ERC2: variants seen among roughly 807,000 people sequenced by gnomAD.
The protein encoded by ERC2 is ELKS/RAB6-interacting/CAST family member 2.
ERC2 carries 42 observed loss-of-function variants against 114.8 expected under a neutral mutation model. The ratio of observed to expected loss-of-function variants is 0.37; its 90% CI spans 0.29 to 0.47. The LOEUF (loss-of-function observed/expected upper bound fraction) is 0.47. Among genes scored for constraint, ERC2 ranks in the 20% least tolerant of loss-of-function variants. ERC2 has a pLI of 0.99. For synonymous variants in ERC2, 454 were observed against 425.5 expected (o/e 1.07, Z -0.82); for missense variants, 939 against 1,150.7 (o/e 0.82, Z 2.66).
intron 17 of ERC2, among the ~76,000 whole-genome samples, chr3:55,544,695 C>A (rs1342618756): frequency 6.6e-6 from 1 of 152,148 alleles, no homozygotes; most frequent in Non-Finnish European, 1.5e-5. Context: ...AGTCAAGAAG[C>A]CCCTTCTGAG....
chr3:56,035,070 C>G (rs2074704682), intron 7 of ERC2, among the ~76,000 whole-genome samples: 1 of 151,918 alleles, frequency 6.6e-6, no homozygotes, highest in African/African-American at 2.4e-5. Context: ...AATTGACAAA[C>G]CTTTAGCTAG....
intron 14 of ERC2, among the ~76,000 whole-genome samples, chr3:55,765,289 C>CT (rs2067698571): frequency 6.6e-6 from 1 of 152,068 alleles, no homozygotes; most frequent in Non-Finnish European, 1.5e-5. Flanking sequence ...TAAAAGGAGA[C>CT]TTTTTTCTCT....
At chr3:56,367,245 C>T (rs1209477610) in intron 2 of ERC2, among the ~76,000 whole-genome samples, 3 of 151,186 alleles carry the variant, frequency 2.0e-5, no homozygotes, top group African/African-American at 7.4e-5. Flanking sequence ...AATAAGATTG[C>T]TCAGGCCCAA....
At chr3:55,773,970 AC>A (rs1180797206) in intron 14 of ERC2, among the ~76,000 whole-genome samples, 1 of 152,078 alleles carries the variant, frequency 6.6e-6, no homozygotes, top group African/African-American at 2.4e-5. Flanking sequence ...TTGGGTTGCT[AC>A]CCCTGTCTGA....
intron 6 of ERC2, among the ~76,000 whole-genome samples, chr3:56,114,087 G>A (rs1374755939): frequency 2.0e-5 from 3 of 152,134 alleles, no homozygotes; most frequent in African/African-American, 7.2e-5. Flanking sequence ...TGCCAAATGG[G>A]TTGGCTAAGT....
At chr3:56,216,912 G>A (rs1437178435) in intron 3 of ERC2, among the ~76,000 whole-genome samples, 14 of 152,108 alleles carry the variant, frequency 9.2e-5, no homozygotes, top group South Asian at 2.1e-4. Context: ...CTCAATAGAC[G>A]CAGAAAAGGC....
intron 7 of ERC2, among the ~76,000 whole-genome samples, chr3:56,061,554 A>T (rs1295364331): frequency 6.6e-6 from 1 of 152,202 alleles, no homozygotes; most frequent in Non-Finnish European, 1.5e-5. Context: ...TTATTCAAAG[A>T]AAAAAATATT....
At chr3:56,141,432 G>T (rs1002536366) in intron 5 of ERC2, among the ~76,000 whole-genome samples, 2 of 152,154 alleles carry the variant, frequency 1.3e-5, no homozygotes, top group African/African-American at 4.8e-5. Flanking sequence ...CAACCACCCT[G>T]TGACCACCAT....
chr3:56,081,714 T>C (rs1194284014), intron 6 of ERC2, among the ~76,000 whole-genome samples: 2 of 151,956 alleles, frequency 1.3e-5, no homozygotes, highest in African/African-American at 4.8e-5. Flanking sequence ...CTGAAGCCCA[T>C]GTGCAAAGAA....
At chr3:55,845,364 C>T (rs1430461782) in intron 14 of ERC2, among the ~76,000 whole-genome samples, 8 of 151,718 alleles carry the variant, frequency 5.3e-5, no homozygotes, top group Admixed American at 2.0e-4. Flanking sequence ...ATTAGCCGGG[C>T]GTAGTGGCGG....
At chr3:55,943,849 G>A (rs1301709611) in intron 13 of ERC2, among the ~76,000 whole-genome samples, 1 of 152,138 alleles carries the variant, frequency 6.6e-6, no homozygotes, top group Non-Finnish European at 1.5e-5. Flanking sequence ...TCAGAGTCAG[G>A]GGTAAACAGA....
intron 2 of ERC2, among the ~76,000 whole-genome samples, chr3:56,411,888 T>A (rs2060954222): frequency 6.6e-6 from 1 of 152,204 alleles, no homozygotes; most frequent in Non-Finnish European, 1.5e-5. Flanking sequence ...GATCCCTGGT[T>A]GTCATACTGC....
chr3:56,012,805 CAT>C (rs1160310868), intron 8 of ERC2, among the ~76,000 whole-genome samples: 2 of 152,318 alleles, frequency 1.3e-5, no homozygotes, highest in African/African-American at 2.4e-5. Flanking sequence ...ATGTCAAAAA[CAT>C]GTGTTAAAAG....
chr3:56,374,388 C>T (rs1447857300), intron 2 of ERC2, among the ~76,000 whole-genome samples: 2 of 152,154 alleles, frequency 1.3e-5, no homozygotes, highest in African/African-American at 2.4e-5. Flanking sequence ...AGAGCCACAG[C>T]GCCTGGCCCA....
At chr3:56,083,643 A>G (rs1235039942) in intron 6 of ERC2, among the ~76,000 whole-genome samples, 2 of 152,206 alleles carry the variant, frequency 1.3e-5, no homozygotes, top group Admixed American at 6.5e-5. Context: ...GAGAGGTCAA[A>G]ACAAAACAAA....
intron 14 of ERC2, among the ~76,000 whole-genome samples, chr3:55,859,991 C>G (rs1454983415): frequency 6.6e-6 from 1 of 152,070 alleles, no homozygotes; most frequent in African/African-American, 2.4e-5. Context: ...ATCTTCATTT[C>G]ACAGATATTT....
At chr3:55,733,542 T>TCACA (rs58311179) in intron 15 of ERC2, among the ~76,000 whole-genome samples, 2,271 of 107,728 alleles carry the variant, frequency 0.021, 237 homozygotes, top group South Asian at 0.046. Flanking sequence ...TCTCTCTCTC[T>TCACA]CACACACACA....
At chr3:55,745,741 G>A (rs945496410) in intron 14 of ERC2, among the ~76,000 whole-genome samples, 1 of 152,168 alleles carries the variant, frequency 6.6e-6, no homozygotes, top group Non-Finnish European at 1.5e-5. Flanking sequence ...ATTGTCCATG[G>A]GTGATCAGTT....
chr3:56,065,967 A>G (rs1484799366), intron 7 of ERC2, among the ~76,000 whole-genome samples: 4 of 152,090 alleles, frequency 2.6e-5, no homozygotes, highest in African/African-American at 9.7e-5. Flanking sequence ...ATTTGGGTTG[A>G]TTCCATGTCT....
Sources: gnomAD v4.1 joint callset for allele counts (sites outside exome capture counted in the v4.1 genomes callset) on GRCh38, gnomAD v4.1.1 for gene constraint, MANE v1.5 for transcripts, NCBI Gene and HGNC (gene_info 2026-07-23, HGNC 2026-07-21) for gene names.